Variants in RSU1 observed in about 807,000 individuals in gnomAD.
The protein encoded by RSU1 is rsu-1.
Under a neutral mutation model 31.1 loss-of-function variants are expected in RSU1, and 26 were observed. That is an observed-to-expected ratio of 0.84 (90% CI 0.61 to 1.16). The LOEUF is 1.16. Ranked by LOEUF, RSU1 falls within the 50% of genes most tolerant of loss-of-function variation. The probability of loss-of-function intolerance (pLI) is 0.00; values close to 1 mark genes in which losing one functional copy is unlikely to be tolerated. For synonymous variants in RSU1, 164 were observed against 136.3 expected (o/e 1.20, Z -1.41); for missense variants, 320 against 339.1 (o/e 0.94, Z 0.44).
At chr10:16,636,803 C>T (rs1387563988) in intron 8 of RSU1, among the ~76,000 whole-genome samples, 1 of 152,178 alleles carries the variant, frequency 6.6e-6, no homozygotes, top group African/African-American at 2.4e-5. Flanking sequence ...TCCTTTAGGT[C>T]TCTGAGGTCT....
chr10:16,654,322 T>C (rs1481444768), intron 8 of RSU1, among the ~76,000 whole-genome samples: 2 of 141,526 alleles, frequency 1.4e-5, no homozygotes, highest in East Asian at 4.1e-4. Flanking sequence ...GAAACACAAA[T>C]GTGTGCCATA....
chr10:16,737,829 T>G (rs1351883611), intron 7 of RSU1, among the ~76,000 whole-genome samples: 1 of 151,556 alleles, frequency 6.6e-6, no homozygotes, highest in Non-Finnish European at 1.5e-5. Context: ...GGAACACTGA[T>G]GGGGCACATA....
intron 8 of RSU1, among the ~76,000 whole-genome samples, chr10:16,644,467 A>C (rs1184923515): frequency 6.6e-6 from 1 of 152,216 alleles, no homozygotes; most frequent in African/African-American, 2.4e-5. Flanking sequence ...CTATCTTATT[A>C]TTCTTCAAAG....
At chr10:16,628,896 C>T (rs1281602279) in intron 8 of RSU1, among the ~76,000 whole-genome samples, 1 of 152,164 alleles carries the variant, frequency 6.6e-6, no homozygotes, top group Non-Finnish European at 1.5e-5. Flanking sequence ...AATTCTCCCT[C>T]AACCACACAA....
intron 2 of RSU1, among the ~76,000 whole-genome samples, chr10:16,809,917 A>G (rs1205498845): frequency 2.6e-5 from 4 of 151,642 alleles, no homozygotes; most frequent in African/African-American, 7.3e-5. Flanking sequence ...TTCTCAGTAG[A>G]TAATTTTAAA....
At chr10:16,604,383 G>A (rs1269068362) in intron 8 of RSU1, among the ~76,000 whole-genome samples, 1 of 152,124 alleles carries the variant, frequency 6.6e-6, no homozygotes, top group African/African-American at 2.4e-5. Flanking sequence ...GGGAGAAAAT[G>A]CAGGCAGTAG....
intron 5 of RSU1, among the ~76,000 whole-genome samples, chr10:16,753,448 T>C (rs932328066): frequency 6.6e-6 from 1 of 152,202 alleles, no homozygotes; most frequent in African/African-American, 2.4e-5. Flanking sequence ...CCTATGTAAA[T>C]AGCACTGTGT....
At chr10:16,644,129 C>T (rs777422683) in intron 8 of RSU1, among the ~76,000 whole-genome samples, 11 of 151,932 alleles carry the variant, frequency 7.2e-5, no homozygotes, top group Non-Finnish European at 1.3e-4. Flanking sequence ...AGAACCAATC[C>T]CCTATGGTTA....
intron 2 of RSU1, among the ~76,000 whole-genome samples, chr10:16,785,370 C>G (rs1207201509): frequency 6.8e-6 from 1 of 148,112 alleles, no homozygotes; most frequent in Non-Finnish European, 1.5e-5. Flanking sequence ...TGAGTTAATA[C>G]TACTTAATAA....
intron 7 of RSU1, among the ~76,000 whole-genome samples, chr10:16,746,550 C>A (rs751801286): frequency 3.3e-5 from 5 of 152,148 alleles, no homozygotes; most frequent in Non-Finnish European, 5.9e-5. Flanking sequence ...ATGCAAAACA[C>A]AGAATCCAGA....
intron 8 of RSU1, among the ~76,000 whole-genome samples, chr10:16,678,848 T>TA (rs1476334486): frequency 1.3e-5 from 2 of 152,130 alleles, no homozygotes; most frequent in East Asian, 3.9e-4. Flanking sequence ...TCCATCCACT[T>TA]ACAAGCACAA....
At chr10:16,718,368 T>A (rs1836187022) in intron 7 of RSU1, among the ~76,000 whole-genome samples, 2 of 152,144 alleles carry the variant, frequency 1.3e-5, no homozygotes, top group South Asian at 4.1e-4. Flanking sequence ...AATAACAACC[T>A]TAGGCAGTAA....
intron 8 of RSU1, among the ~76,000 whole-genome samples, chr10:16,627,054 T>C (rs970703548): frequency 2.0e-5 from 3 of 152,232 alleles, no homozygotes; most frequent in Non-Finnish European, 4.4e-5. Flanking sequence ...AGACTGAATT[T>C]GGGGAACTTT....
chr10:16,707,111 T>C (rs1312993410), intron 7 of RSU1, among the ~76,000 whole-genome samples: 2 of 152,248 alleles, frequency 1.3e-5, no homozygotes, highest in African/African-American at 4.8e-5. Context: ...TATTCCATTA[T>C]GTATATATAC....
At chr10:16,777,877 C>T (rs189035605) in intron 3 of RSU1, among the ~76,000 whole-genome samples, 42 of 152,264 alleles carry the variant, frequency 2.8e-4, no homozygotes, top group Non-Finnish European at 4.6e-4. Flanking sequence ...TGCCTTCCCA[C>T]GCATCTGAGC....
intron 3 of RSU1, among the ~76,000 whole-genome samples, chr10:16,766,806 G>A (rs1837323608): frequency 6.6e-6 from 1 of 151,738 alleles, no homozygotes; most frequent in Non-Finnish European, 1.5e-5. Flanking sequence ...CTGAGGTCAG[G>A]AGTTTGAGAC....
At chr10:16,607,132 G>A (rs552839813) in intron 8 of RSU1, among the ~76,000 whole-genome samples, 2 of 152,252 alleles carry the variant, frequency 1.3e-5, no homozygotes, top group African/African-American at 2.4e-5. Flanking sequence ...GTGAGTTCTC[G>A]CGAGATCTGG....
intron 7 of RSU1, among the ~76,000 whole-genome samples, chr10:16,743,269 C>T (rs768981052): frequency 3.3e-5 from 5 of 152,008 alleles, no homozygotes; most frequent in African/African-American, 4.8e-5. Context: ...GATGGGTATA[C>T]CATTGGGAGG....
intron 8 of RSU1, among the ~76,000 whole-genome samples, chr10:16,610,069 A>G (rs762911478): frequency 6.6e-6 from 1 of 152,248 alleles, no homozygotes; most frequent in Non-Finnish European, 1.5e-5. Flanking sequence ...TCAACATGTC[A>G]TCAATTTAAA....
Sources: allele counts gnomAD v4.1 joint callset (sites outside exome capture counted in the v4.1 genomes callset), GRCh38; gene constraint gnomAD v4.1.1; transcripts MANE v1.5; gene names NCBI Gene and HGNC (gene_info 2026-07-23, HGNC 2026-07-21).